The following CNTNAP2 variants were observed in gnomAD, a reference collection of about 807,000 sequenced individuals.
CNTNAP2 encodes the protein contactin associated protein 2.
In CNTNAP2, 98 loss-of-function variants were observed where a neutral mutation model predicts 155.2. The ratio of observed to expected loss-of-function variants is 0.63; its 90% CI spans 0.54 to 0.75. The LOEUF (loss-of-function observed/expected upper bound fraction) is 0.75. Ranked by LOEUF, CNTNAP2 falls within the 30% of genes least tolerant of loss-of-function variation. The pLI is 0.00. For synonymous variants in CNTNAP2, 651 were observed against 631.2 expected, an observed-to-expected ratio of 1.03 and a Z score of -0.47; for missense variants, 1,727 against 1,688.1, an observed-to-expected ratio of 1.02 and a Z score of -0.40.
intron 1 of CNTNAP2, among the ~76,000 whole-genome samples, chr7:146,126,346 A>G (rs976991270): frequency 6.6e-6 from 1 of 152,252 alleles, no homozygotes; most frequent in Non-Finnish European, 1.5e-5. Context: ...CTGGAGACTT[A>G]AAAATTACAT....
chr7:146,906,500 C>G (rs1052649635), intron 3 of CNTNAP2, among the ~76,000 whole-genome samples: 4 of 152,020 alleles, frequency 2.6e-5, no homozygotes, highest in African/African-American at 7.2e-5. Context: ...GACCCCTGAC[C>G]CCCGAGCAGC....
At chr7:146,469,838 C>CA (rs1584939895) in intron 1 of CNTNAP2, among the ~76,000 whole-genome samples, 1 of 139,044 alleles carries the variant, frequency 7.2e-6, no homozygotes, top group East Asian at 2.2e-4. Flanking sequence ...CCTTAATTGA[C>CA]ATTTTTTTTT....
At position 147,368,096 on chromosome 7, in the gene CNTNAP2, TCACACACACA is replaced by T. The variant is rs5888250; in HGVS notation, c.1499-27486_1499-27477del. 7.1e-3 allele frequency among the ~76,000 whole-genome samples: 832 copies of T among 117,158 alleles called. 13 individuals carry two copies. Among genetic ancestry groups the T allele is most frequent in the African/African-American group, 0.026 (746 of 28,694 alleles). 76.9% of individuals were successfully genotyped at this position (117,158 alleles called of 152,430 possible). A position where few individuals can be genotyped will look rare whatever the true frequency, so the allele number is the denominator to read the frequency against. Reference sequence around the variant, plus strand: ...CTCCCTCCTTTCCTCTCTCTCTCTGTCACACACACACACACACACACACACACACACACAC... The same window carrying T: ...CTCCCTCCTTTCCTCTCTCTCTCTGTCACACACACACACACACACACACAC... On this transcript the variant is annotated intron_variant, in intron 9 of 23. Transcript: ENST00000361727.
At chr7:147,439,940 A>G (rs375391481) in intron 10 of CNTNAP2, among the ~76,000 whole-genome samples, 5 of 152,038 alleles carry the variant, frequency 3.3e-5, no homozygotes, top group African/African-American at 1.2e-4. Flanking sequence ...ATCTTTTTCC[A>G]TCCCTTCATT....
rs139351036 is a variant in CNTNAP2 at position 146,748,302 on chromosome 7, C to T, written c.98-25969C>T. Among the ~76,000 whole-genome samples the T allele has an allele frequency of 4.3e-3, 643 of 149,176 alleles. 5 individuals carry two copies. The highest frequency in any genetic ancestry group is 0.01 in the Middle Eastern group (3 of 290). On this transcript the variant is annotated intron_variant, in intron 1 of 23. Coordinates refer to ENST00000361727, the MANE Select transcript of CNTNAP2 (RefSeq NM_014141.6). ...CTGGGACTACAGGCGCCAGCCACCACGCCCAGCTAATTTTTTGTATTTTTG... is the reference window on the plus strand; with the variant it reads ...CTGGGACTACAGGCGCCAGCCACCATGCCCAGCTAATTTTTTGTATTTTTG...
intron 3 of CNTNAP2, among the ~76,000 whole-genome samples, chr7:146,851,919 C>G (rs1381658620): frequency 1.3e-5 from 2 of 151,958 alleles, no homozygotes; most frequent in Non-Finnish European, 2.9e-5. Context: ...CTCCTGAGCT[C>G]AAGCAGTCCT....
chr7:146,348,767 C>CA (rs764924501), intron 1 of CNTNAP2, among the ~76,000 whole-genome samples: 6 of 149,990 alleles, frequency 4.0e-5, no homozygotes, highest in Admixed American at 2.0e-4. Context: ...TAACACCAAA[C>CA]AATGGGTGTT....
At chr7:146,971,803 C>G (rs1797805627) in intron 3 of CNTNAP2, among the ~76,000 whole-genome samples, 1 of 152,108 alleles carries the variant, frequency 6.6e-6, no homozygotes, top group African/African-American at 2.4e-5. Flanking sequence ...TGCTAATACC[C>G]CCACCTGCTA....
intron 1 of CNTNAP2, among the ~76,000 whole-genome samples, chr7:146,673,738 C>T (rs968951427): frequency 3.3e-5 from 5 of 151,778 alleles, no homozygotes; most frequent in Non-Finnish European, 5.9e-5. Flanking sequence ...GAGCACCATG[C>T]TCAGCTAATT....
chr7:147,601,739 C>G lies in CNTNAP2; in HGVS notation c.1898-37367C>G, dbSNP rs891790109. ...AAATTTCTTAATGTCTTTAAATATC[C>G]AGTGTTTACATTTCCCTAATTGTCC... On this transcript the variant is annotated intron_variant, in intron 12 of 23. Coordinates refer to ENST00000361727, the MANE Select transcript of CNTNAP2 (RefSeq NM_014141.6). 3.4e-5 allele frequency among the ~76,000 whole-genome samples: 5 copies of G among 148,690 alleles called. 1 individual carries two copies. In the South Asian group the frequency reaches 8.4e-4, roughly 25 times the overall value.
intron 1 of CNTNAP2, among the ~76,000 whole-genome samples, chr7:146,365,818 T>A (rs1255148176): frequency 6.6e-6 from 1 of 152,138 alleles, no homozygotes; most frequent in Non-Finnish European, 1.5e-5. Context: ...TCTATTAACT[T>A]AATAAGCCAG....
chr7:147,183,185 A>C (rs527652876), intron 8 of CNTNAP2, among the ~76,000 whole-genome samples: 5 of 152,150 alleles, frequency 3.3e-5, no homozygotes, highest in Non-Finnish European at 7.4e-5. Context: ...GCTACTTCTA[A>C]TCTAAATTAA....
chr7:148,308,418 G>A (rs1563035349), intron 21 of CNTNAP2, among the ~76,000 whole-genome samples: 2 of 151,566 alleles, frequency 1.3e-5, no homozygotes, highest in Non-Finnish European at 1.5e-5. Context: ...CGTATCCATG[G>A]CTAAGAACGA....
At chr7:147,349,054 A>G (rs914615332) in intron 9 of CNTNAP2, among the ~76,000 whole-genome samples, 1 of 151,972 alleles carries the variant, frequency 6.6e-6, no homozygotes, top group Non-Finnish European at 1.5e-5. Context: ...TAGGACGAGT[A>G]AATTCTGGTG....
At chr7:146,615,029 A>G (rs951423202) in intron 1 of CNTNAP2, among the ~76,000 whole-genome samples, 1 of 152,214 alleles carries the variant, frequency 6.6e-6, no homozygotes, top group Non-Finnish European at 1.5e-5. Flanking sequence ...AATTCTGTAA[A>G]TTGTAAAATA....
chr7:147,917,027 C>G (rs1008941243), intron 14 of CNTNAP2, among the ~76,000 whole-genome samples: 1 of 152,224 alleles, frequency 6.6e-6, no homozygotes, highest in African/African-American at 2.4e-5. Context: ...ACCTGACCAT[C>G]TGTGACCATG....
At chr7:147,585,667 A>G (rs555307045) in intron 12 of CNTNAP2, among the ~76,000 whole-genome samples, 1 of 152,050 alleles carries the variant, frequency 6.6e-6, no homozygotes, top group Non-Finnish European at 1.5e-5. Context: ...CCTTTAATTA[A>G]TTCAGATTTT....
intron 10 of CNTNAP2, among the ~76,000 whole-genome samples, chr7:147,409,108 G>A (rs1259815208): frequency 1.3e-5 from 2 of 152,146 alleles, no homozygotes; most frequent in African/African-American, 4.8e-5. Flanking sequence ...CTGACTATTT[G>A]TTTAGTAGTG....
At chr7:147,479,553 T>C (rs1011179523) in intron 10 of CNTNAP2, among the ~76,000 whole-genome samples, 3 of 152,206 alleles carry the variant, frequency 2.0e-5, no homozygotes, top group East Asian at 1.9e-4. Context: ...AGACATTTTA[T>C]TTACAAAACA....
Sources: allele counts gnomAD v4.1 joint callset (sites outside exome capture counted in the v4.1 genomes callset), GRCh38; gene constraint gnomAD v4.1.1; transcripts MANE v1.5; gene names NCBI Gene and HGNC (gene_info 2026-07-23, HGNC 2026-07-21).